Variants in KCNIP4 observed in about 807,000 individuals in gnomAD.
KCNIP4 encodes the protein Kv channel-interacting protein 4.
In KCNIP4, 12 loss-of-function variants were observed where a neutral mutation model predicts 34.0. The ratio of observed to expected loss-of-function variants is 0.35; its 90% CI spans 0.23 to 0.57. The LOEUF (loss-of-function observed/expected upper bound fraction) is 0.57. Among genes scored for constraint, KCNIP4 ranks in the 20% least tolerant of loss-of-function variants. The pLI is 0.83. For missense variants in KCNIP4, 238 were observed against 311.7 expected (o/e 0.76, Z 1.78); for synonymous variants, 124 against 102.2 (o/e 1.21, Z -1.29).
chr4:21,389,098 A>G (rs1447975712), intron 1 of KCNIP4, among the ~76,000 whole-genome samples: 1 of 151,224 alleles, frequency 6.6e-6, no homozygotes, highest in Non-Finnish European at 1.5e-5. Flanking sequence ...TGATCCTCCC[A>G]CCGCAACTTC....
At chr4:21,340,665 A>G (rs1278906231) in intron 1 of KCNIP4, among the ~76,000 whole-genome samples, 3 of 152,046 alleles carry the variant, frequency 2.0e-5, no homozygotes, top group African/African-American at 7.3e-5. Flanking sequence ...AACCAGAAAA[A>G]CATTCTACTC....
At chr4:21,010,135 T>A (rs1252006078) in intron 1 of KCNIP4, among the ~76,000 whole-genome samples, 9 of 152,176 alleles carry the variant, frequency 5.9e-5, no homozygotes, top group Admixed American at 5.2e-4. Context: ...ACACACTTAC[T>A]GCTAATTAAG....
chr4:21,272,730 CA>C (rs1560239499), intron 1 of KCNIP4, among the ~76,000 whole-genome samples: 1 of 152,142 alleles, frequency 6.6e-6, no homozygotes, highest in Non-Finnish European at 1.5e-5. Flanking sequence ...CACTGTATTT[CA>C]TTTTAATGCT....
chr4:21,170,138 A>G (rs1407787417), intron 1 of KCNIP4, among the ~76,000 whole-genome samples: 1 of 152,142 alleles, frequency 6.6e-6, no homozygotes, highest in Non-Finnish European at 1.5e-5. Context: ...TTATTTTTGG[A>G]AATTGTTCTG....
intron 1 of KCNIP4, among the ~76,000 whole-genome samples, chr4:20,891,083 TC>T (rs1389293351): frequency 2.3e-4 from 35 of 152,302 alleles, no homozygotes; most frequent in African/African-American, 7.5e-4. Flanking sequence ...ATTCTTATCT[TC>T]CTCCTTTTTG....
At chr4:20,875,196 G>C (rs1723882110) in intron 2 of KCNIP4, among the ~76,000 whole-genome samples, 1 of 152,126 alleles carries the variant, frequency 6.6e-6, no homozygotes, top group Non-Finnish European at 1.5e-5. Context: ...AGTGGAAAAA[G>C]ATCTAGTCAT....
intron 1 of KCNIP4, among the ~76,000 whole-genome samples, chr4:21,648,557 C>T (rs1021087825): frequency 6.6e-6 from 1 of 152,160 alleles, no homozygotes; most frequent in African/African-American, 2.4e-5. Flanking sequence ...CTTCCACAGT[C>T]TCAAGCTCTA....
chr4:21,931,705 T>C (rs1275681646), intron 1 of KCNIP4, among the ~76,000 whole-genome samples: 1 of 152,068 alleles, frequency 6.6e-6, no homozygotes, highest in African/African-American at 2.4e-5. Flanking sequence ...TGGTTCCAAG[T>C]CTTTGCTATC....
At chr4:21,440,061 G>T (rs988010602) in intron 1 of KCNIP4, among the ~76,000 whole-genome samples, 1 of 152,170 alleles carries the variant, frequency 6.6e-6, no homozygotes, top group Non-Finnish European at 1.5e-5. Context: ...CTTATTCTCT[G>T]ACCCAATGAC....
intron 1 of KCNIP4, among the ~76,000 whole-genome samples, chr4:21,096,479 G>C (rs951118899): frequency 1.3e-5 from 2 of 151,450 alleles, no homozygotes; most frequent in African/African-American, 4.9e-5. Flanking sequence ...CCTACTTTAG[G>C]GTCCTTCAGT....
chr4:21,041,461 C>T (rs115180742), intron 1 of KCNIP4, among the ~76,000 whole-genome samples: 106 of 152,216 alleles, frequency 7.0e-4, no homozygotes, highest in African/African-American at 2.5e-3. Context: ...AAAAAGTAGC[C>T]ACGTAAAACA....
chr4:21,067,543 A>T (rs1033354941), intron 1 of KCNIP4, among the ~76,000 whole-genome samples: 4 of 152,206 alleles, frequency 2.6e-5, no homozygotes, highest in Non-Finnish European at 5.9e-5. Context: ...GGAGGAACTC[A>T]TCCTCTTAGA....
chr4:21,524,683 C>T (rs1034065510), intron 1 of KCNIP4, among the ~76,000 whole-genome samples: 1 of 152,220 alleles, frequency 6.6e-6, no homozygotes, highest in Admixed American at 6.5e-5. Context: ...TCCATACCAT[C>T]TAATCTTTTT....
In KCNIP4 at chr4:20,735,520, T is replaced by G. The variant is rs1578429695; in HGVS notation, c.430-785A>C. ...TAACTTGATTAAATTCATTTAGTGTTTTTTTTTTTGTTTTTTTTTTTTTTT... is the reference window on the plus strand; with the variant it reads ...TAACTTGATTAAATTCATTTAGTGTGTTTTTTTTTGTTTTTTTTTTTTTTT... On this transcript the variant is annotated intron_variant, in intron 5 of 8. Coordinates refer to ENST00000382152, the MANE Select transcript of KCNIP4 (RefSeq NM_025221.6). Among the ~76,000 whole-genome samples the G allele has an allele frequency of 3.4e-5, 3 of 89,290 alleles. No homozygotes were observed. The Admixed American group carries it at 4.4e-4, about 13-fold the overall frequency. The allele number at this position is 89,290 out of a possible 152,430, so 58.6% of individuals were successfully genotyped here.
intron 3 of KCNIP4, among the ~76,000 whole-genome samples, chr4:20,827,386 T>C (rs1317108556): frequency 6.6e-6 from 1 of 152,182 alleles, no homozygotes; most frequent in Non-Finnish European, 1.5e-5. Flanking sequence ...CCTCTTCACA[T>C]GGGAATGCAC....
intron 1 of KCNIP4, among the ~76,000 whole-genome samples, chr4:21,890,508 G>T (rs28405589): frequency 0.43 from 65,700 of 151,674 alleles, 16,029 homozygotes; most frequent in East Asian, 0.62. Flanking sequence ...TGGGGAAAGG[G>T]ACCAGAAAAT....
chr4:21,264,226 G>A (rs1024674037), intron 1 of KCNIP4, among the ~76,000 whole-genome samples: 3 of 82,762 alleles, frequency 3.6e-5, no homozygotes, highest in African/African-American at 1.4e-4. Context: ...TCAGCTGATG[G>A]TCAAAAGAGA....
At chr4:20,804,574 A>ATCT (rs35857671) in intron 3 of KCNIP4, among the ~76,000 whole-genome samples, 73,330 of 151,560 alleles carry the variant, frequency 0.48, 18,034 homozygotes, top group East Asian at 0.7. Context: ...CCTTCTCAAA[A>ATCT]TCTTTTTCTC....
chr4:21,265,274 G>T (rs1204805246), intron 1 of KCNIP4, among the ~76,000 whole-genome samples: 3 of 152,128 alleles, frequency 2.0e-5, no homozygotes, highest in Admixed American at 1.3e-4. Flanking sequence ...GAATGTGTTT[G>T]CATAAGAAGT....
Sources: gnomAD v4.1 joint callset for allele counts (sites outside exome capture counted in the v4.1 genomes callset) on GRCh38, gnomAD v4.1.1 for gene constraint, MANE v1.5 for transcripts, NCBI Gene and HGNC (gene_info 2026-07-23, HGNC 2026-07-21) for gene names.